The following THSD7A variants were observed in gnomAD, a reference collection of about 807,000 sequenced individuals.
The protein encoded by THSD7A is thrombospondin type-1 domain-containing protein 7A.
In THSD7A, 96 loss-of-function variants were observed where a neutral mutation model predicts 231.3. That is an observed-to-expected ratio of 0.41 (90% CI 0.35 to 0.49). The LOEUF is 0.49. Among genes scored for constraint, THSD7A ranks in the 20% least tolerant of loss-of-function variants. THSD7A has a pLI of 0.05. For missense variants in THSD7A, 2,290 were observed against 2,070.2 expected, an observed-to-expected ratio of 1.11 and a Z score of -2.06; for synonymous variants, 940 against 743.3, an observed-to-expected ratio of 1.26 and a Z score of -4.30.
intron 6 of THSD7A, among the ~76,000 whole-genome samples, chr7:11,485,198 A>C (rs559827444): frequency 6.6e-6 from 1 of 152,146 alleles, no homozygotes; most frequent in African/African-American, 2.4e-5. Context: ...CTCAACCTTC[A>C]TTCTTAAAAG....
At chr7:11,546,273 A>G (rs1260546689) in intron 4 of THSD7A, among the ~76,000 whole-genome samples, 2 of 151,474 alleles carry the variant, frequency 1.3e-5, no homozygotes, top group African/African-American at 4.9e-5. Context: ...GATGGCATGC[A>G]TGCCCAAGTG....
intron 2 of THSD7A, among the ~76,000 whole-genome samples, chr7:11,617,425 G>A (rs1219437427): frequency 6.6e-6 from 1 of 152,104 alleles, no homozygotes; most frequent in Non-Finnish European, 1.5e-5. Flanking sequence ...ATATTTGTAT[G>A]TATGTATGTA....
At chr7:11,755,568 C>A (rs1156480272) in intron 1 of THSD7A, among the ~76,000 whole-genome samples, 1 of 151,966 alleles carries the variant, frequency 6.6e-6, no homozygotes. Context: ...AAGGAAAGAT[C>A]GGGTAGAAAG....
chr7:11,807,015 TTTC>T (rs1269087719), intron 1 of THSD7A, among the ~76,000 whole-genome samples: 4 of 152,124 alleles, frequency 2.6e-5, no homozygotes, highest in African/African-American at 4.8e-5. Flanking sequence ...TATATATCTC[TTTC>T]TTCTTCTTTC....
intron 1 of THSD7A, among the ~76,000 whole-genome samples, chr7:11,675,693 G>T (rs1279733887): frequency 1.3e-5 from 2 of 152,166 alleles, no homozygotes; most frequent in South Asian, 2.1e-4. Context: ...GCAAAGCCAT[G>T]GTAGCCAGAC....
chr7:11,574,446 T>G (rs1790791559), intron 4 of THSD7A, among the ~76,000 whole-genome samples: 2 of 151,602 alleles, frequency 1.3e-5, no homozygotes, highest in Admixed American at 1.3e-4. Context: ...CTTTTTTTTT[T>G]TTTTTTGAGA....
At chr7:11,626,146 C>T (rs1781467215) in intron 2 of THSD7A, among the ~76,000 whole-genome samples, 2 of 152,050 alleles carry the variant, frequency 1.3e-5, no homozygotes, top group Admixed American at 6.6e-5. Context: ...AAAATACTAC[C>T]TAGGACCCTC....
intron 1 of THSD7A, among the ~76,000 whole-genome samples, chr7:11,722,111 G>A (rs1377006374): frequency 6.6e-6 from 1 of 151,838 alleles, no homozygotes; most frequent in Non-Finnish European, 1.5e-5. Context: ...TAGCCTCACA[G>A]TCTGGCTGTC....
intron 2 of THSD7A, among the ~76,000 whole-genome samples, chr7:11,609,576 G>A (rs1434321471): frequency 1.3e-5 from 2 of 152,022 alleles, no homozygotes; most frequent in Non-Finnish European, 2.9e-5. Flanking sequence ...AAATATTATT[G>A]TTGCCCAACA....
intron 7 of THSD7A, among the ~76,000 whole-genome samples, chr7:11,481,448 GA>G (rs1471312523): frequency 6.6e-6 from 1 of 151,940 alleles, no homozygotes; most frequent in Non-Finnish European, 1.5e-5. Flanking sequence ...CTGAAATTCA[GA>G]AAAAAACAAT....
Position 11,632,174 on chromosome 7 carries a change from T to C in THSD7A, c.1022+3956A>G, listed in dbSNP as rs915314046. ...CTCTTTATTTTTCAGTATTTTCCTG[T>C]CTAATACATCTATTTTTCCCTTATA... is the stretch of plus-strand genomic sequence containing the variant. On this transcript the variant is annotated intron_variant, in intron 2 of 27. Transcript: ENST00000423059. This position sits in a 1 kb window ranked among gnomAD's most constrained non-coding sequence, Gnocchi z 4.1. Among the ~76,000 whole-genome samples, 6 of 152,174 alleles carry C rather than the reference T, an allele frequency of 3.9e-5. No individual in the cohort carries two copies. The highest frequency in any genetic ancestry group is 8.8e-5 in the Non-Finnish European group (6 of 68,014).
intron 4 of THSD7A, among the ~76,000 whole-genome samples, chr7:11,583,357 A>G (rs894187177): frequency 1.3e-5 from 2 of 151,972 alleles, no homozygotes; most frequent in Non-Finnish European, 2.9e-5. Context: ...GCTAACTGCA[A>G]TCTCCACCTC....
chr7:11,758,430 G>A (rs1341058028), intron 1 of THSD7A, among the ~76,000 whole-genome samples: 3 of 152,086 alleles, frequency 2.0e-5, no homozygotes, highest in African/African-American at 7.2e-5. Context: ...TGAATGCAGT[G>A]AGAAAAGTAA....
At chr7:11,597,600 G>A (rs559383374) in intron 2 of THSD7A, among the ~76,000 whole-genome samples, 391 of 152,292 alleles carry the variant, frequency 2.6e-3, no homozygotes, top group African/African-American at 8.8e-3. Flanking sequence ...ACAAGGCCCT[G>A]CCATCTTCTG....
chr7:11,455,690 A>G (rs755056286), intron 11 of THSD7A, among the ~76,000 whole-genome samples: 3 of 152,062 alleles, frequency 2.0e-5, no homozygotes, highest in Non-Finnish European at 4.4e-5. Flanking sequence ...TTTTATCAAG[A>G]CTGCATTTAC....
rs149248206 is a variant in THSD7A at position 11,793,405 on chromosome 7, G to T, written c.190+38352C>A. 2.0e-5 allele frequency among the ~76,000 whole-genome samples: 3 copies of T among 151,864 alleles called. No individual in the cohort carries two copies. The South Asian group carries it at 6.2e-4, about 31-fold the overall frequency. On this transcript the variant is annotated intron_variant, in intron 1 of 27. Coordinates refer to ENST00000423059, the MANE Select transcript of THSD7A (RefSeq NM_015204.3). ...TGAAAACATTTCTGCCTCTGAGAAA[G>T]AAATCAGAATAATTTTCTTAGAAAT...
chr7:11,455,208 A>G (rs1319043846), intron 11 of THSD7A, among the ~76,000 whole-genome samples: 12 of 152,032 alleles, frequency 7.9e-5, no homozygotes, highest in Admixed American at 7.9e-4. Flanking sequence ...GGTCTTCGTC[A>G]AGAACCAAAT....
At chr7:11,690,979 T>C (rs891112361) in intron 1 of THSD7A, among the ~76,000 whole-genome samples, 7 of 151,632 alleles carry the variant, frequency 4.6e-5, no homozygotes, top group Non-Finnish European at 8.9e-5. Context: ...TGCTCACTGT[T>C]TTTAAAAAAG....
At chr7:11,707,286 C>G (rs2128147201) in intron 1 of THSD7A, among the ~76,000 whole-genome samples, 1 of 150,998 alleles carries the variant, frequency 6.6e-6, no homozygotes, top group South Asian at 2.1e-4. Context: ...GGAAGGTAAT[C>G]ATAGTATTCG....
Sources: gnomAD v4.1 joint callset for allele counts (sites outside exome capture counted in the v4.1 genomes callset) on GRCh38, gnomAD v4.1.1 for gene constraint, Gnocchi (gnomAD v3.1) non-coding constraint, MANE v1.5 for transcripts, NCBI Gene and HGNC (gene_info 2026-07-23, HGNC 2026-07-21) for gene names.